PDE1C: variants seen among roughly 807,000 people sequenced by gnomAD.
PDE1C encodes the protein phosphodiesterase 1C.
A neutral mutation model predicts 93.1 loss-of-function variants in PDE1C; 62 were observed. The observed-to-expected ratio is 0.67, with a 90% CI of 0.54 to 0.82. PDE1C has a LOEUF of 0.82. Among genes scored for constraint, PDE1C ranks in the 40% least tolerant of loss-of-function variants. The probability of loss-of-function intolerance (pLI) is 0.00; values close to 1 mark genes in which losing one functional copy is unlikely to be tolerated. For synonymous variants in PDE1C, 325 were observed against 310.1 expected (o/e 1.05, Z -0.50); for missense variants, 742 against 884.6 (o/e 0.84, Z 2.04).
chr7:31,764,264 A>G (rs972829084), intron 17 of PDE1C, among the ~76,000 whole-genome samples: 7 of 151,994 alleles, frequency 4.6e-5, no homozygotes, highest in African/African-American at 1.7e-4. Context: ...CCTGCCTCAG[A>G]CTCTGTAGTA....
intron 7 of PDE1C, 24 bp downstream of exon 7, chr7:31,864,918 C>T: frequency 3.1e-6 from 5 of 1,607,250 alleles, no homozygotes; most frequent in Non-Finnish European, 4.3e-6. Flanking sequence ...TTTGGGGAAC[C>T]TAAGAGTTCC....
intron 3 of PDE1C, among the ~76,000 whole-genome samples, chr7:32,117,092 G>T (rs1477616407): frequency 6.6e-6 from 1 of 152,086 alleles, no homozygotes. Flanking sequence ...ACTTTCATTT[G>T]GTAGGCATCT....
At chr7:31,998,717 A>G (rs984821811) in intron 2 of PDE1C, among the ~76,000 whole-genome samples, 1 of 152,240 alleles carries the variant, frequency 6.6e-6, no homozygotes, top group African/African-American at 2.4e-5. Flanking sequence ...TTTCATTAAC[A>G]CAAAAATTCT....
intron 1 of PDE1C, among the ~76,000 whole-genome samples, chr7:32,398,110 G>C (rs1246232634): frequency 6.6e-6 from 1 of 150,680 alleles, no homozygotes; most frequent in South Asian, 2.1e-4. Flanking sequence ...CCGAGATCGC[G>C]CCACTGCACT....
At chr7:31,634,817 G>C in the PDE1C span, among the ~76,000 whole-genome samples, 1 of 152,204 alleles carries the variant, frequency 6.6e-6, no homozygotes, top group Non-Finnish European at 1.5e-5. Context: ...GGACTGGTAG[G>C]TGCCAGGTGG....
the PDE1C span, among the ~76,000 whole-genome samples, chr7:31,629,073 G>A: frequency 3.9e-5 from 6 of 152,152 alleles, no homozygotes; most frequent in African/African-American, 2.4e-5. Context: ...GTGGTCATGG[G>A]ACATTGTTCA....
At position 32,404,845 on chromosome 7, in the gene PDE1C, C is replaced by T. The variant is rs527375898; in HGVS notation, c.310+22977G>A. On this transcript the variant is annotated intron_variant, in intron 1 of 1. Transcript: ENST00000672256. ...ATTGGATGGGAAGAAGAAGCATGAA[C>T]TGGCGTTGCACAGGCCTCCTTGTCA... Among the ~76,000 whole-genome samples, 101 of 152,346 alleles carry T rather than the reference C, an allele frequency of 6.6e-4. 2 individuals carry two copies. The South Asian group carries it at 0.014, about 21-fold the overall frequency.
At chr7:32,421,874 C>T (rs1351035235) in intron 1 of PDE1C, among the ~76,000 whole-genome samples, 1 of 152,190 alleles carries the variant, frequency 6.6e-6, no homozygotes, top group East Asian at 1.9e-4. Flanking sequence ...CCACATCTTA[C>T]ACCCAGCAGG....
At chr7:31,652,697 G>A in the PDE1C span, 8 of 1,613,784 alleles carry the variant, frequency 5.0e-6, no homozygotes, top group African/African-American at 9.3e-5. Flanking sequence ...GGACCCAGTT[G>A]GCTGCCTTCA....
Position 32,112,995 on chromosome 7 carries a change from A to G in PDE1C, c.308+56790T>C, listed in dbSNP as rs185924484. 9.0e-4 allele frequency among the ~76,000 whole-genome samples: 135 copies of G among 149,524 alleles called. 1 individual carries two copies. The highest frequency in any genetic ancestry group is 3.2e-3 in the African/African-American group (130 of 40,964). On this transcript the variant is annotated intron_variant, in intron 3 of 18. Coordinates refer to the PDE1C transcript ENST00000396193. The stretch of plus-strand genomic sequence containing the variant: ...TTATCTTATGAGGTTTTCTGAGTAC[A>G]TTTAGGAGCATCCTTTGGCAATGAG...
intron 1 of PDE1C, among the ~76,000 whole-genome samples, chr7:32,374,199 G>GAAGAAAGAAA (rs1562695857): frequency 2.3e-4 from 28 of 123,128 alleles, no homozygotes; most frequent in African/African-American, 1.0e-3. Flanking sequence ...AGAAAGAGAG[G>GAAGAAAGAAA]GAAAGAGAGG....
chr7:31,837,832 C>A (rs1357729266), intron 10 of PDE1C, 38 bp downstream of exon 10: 5 of 1,384,126 alleles, frequency 3.6e-6, no homozygotes, highest in Non-Finnish European at 5.1e-6. Context: ...CATTCAAACA[C>A]CTATACAAAC....
intron 2 of PDE1C, among the ~76,000 whole-genome samples, chr7:32,186,189 G>A (rs1054592064): frequency 6.2e-5 from 9 of 145,394 alleles, no homozygotes; most frequent in East Asian, 4.3e-4. Context: ...TGCAAGCTCC[G>A]CCTCCCGGGT....
intron 1 of PDE1C, among the ~76,000 whole-genome samples, chr7:32,218,341 A>G (rs1806579940): frequency 6.6e-6 from 1 of 152,254 alleles, no homozygotes; most frequent in South Asian, 2.1e-4. Context: ...ACTAATTTGT[A>G]GTTGATGATG....
At position 31,823,089 on chromosome 7, in the gene PDE1C, C is replaced by A; in HGVS notation, c.1566G>T (p.Arg522Ser). 1 of 1,610,552 alleles carries A rather than the reference C, an allele frequency of 6.2e-7. No individual in the cohort carries two copies. The highest frequency in any genetic ancestry group is 1.1e-5 in the South Asian group (1 of 90,458). Residue 522 changes from arginine to serine, a missense_variant, in exon 14 of 18, where the codon AGG becomes AGT. Around this residue, in one of 4 missense-constraint regions of PDE1C, gnomAD observed 454 missense variants for 459.4 expected, o/e 0.99. Transcript: ENST00000396191. ...GCATGTTACCTTTGGGTACCTTGGC[C>A]CTCCATCTCTCCCGATTGATGTGCA... ...EVVHINRERW[R>S]AKVPKEEKAK...
rs1207972839 is a variant in PDE1C at position 32,420,124 on chromosome 7, T to TATATATATATACACAC, written c.310+7697_310+7698insGTGTGTATATATATAT. The stretch of plus-strand genomic sequence containing the variant: ...ATATATATATATATATATATATATA[T>TATATATATATACACAC]ACACACACACACACACACACACACA... On this transcript the variant is annotated intron_variant, in intron 1 of 1. Transcript: ENST00000672256. 1.6e-3 allele frequency among the ~76,000 whole-genome samples: 21 copies of TATATATATATACACAC among 13,088 alleles called. 2 individuals are homozygous for TATATATATATACACAC. Among genetic ancestry groups the TATATATATATACACAC allele is most frequent in the Admixed American group, 5.6e-3 (3 of 536 alleles). 8.6% of individuals were successfully genotyped at this position (13,088 alleles called of 152,430 possible).
intron 2 of PDE1C, among the ~76,000 whole-genome samples, chr7:31,973,643 T>C (rs1156991268): frequency 6.6e-6 from 1 of 152,210 alleles, no homozygotes; most frequent in Non-Finnish European, 1.5e-5. Flanking sequence ...TAGTTATTAT[T>C]ATTCTTATTT....
the PDE1C span, chr7:31,707,441 T>C: frequency 1.6e-6 from 1 of 606,788 alleles, no homozygotes; most frequent in Admixed American, 3.3e-5. Flanking sequence ...AAATTGCCAG[T>C]CACCTCTTTG....
chr7:31,636,417 G>A, the PDE1C span, among the ~76,000 whole-genome samples: 1 of 152,140 alleles, frequency 6.6e-6, no homozygotes, highest in African/African-American at 2.4e-5. Context: ...TAACTGCTTC[G>A]AGATTGTTTG....
Sources: gnomAD v4.1 joint callset for allele counts (sites outside exome capture counted in the v4.1 genomes callset) on GRCh38, gnomAD v4.1.1 for gene constraint, gnomAD v4.1.1 regional missense constraint, MANE v1.5 for transcripts, NCBI Gene and HGNC (gene_info 2026-07-23, HGNC 2026-07-21) for gene names.